The following PCDHA2 variants were observed in gnomAD, a reference collection of about 807,000 sequenced individuals.
The protein encoded by PCDHA2 is protocadherin alpha-2.
In PCDHA2, 58 loss-of-function variants were observed where a neutral mutation model predicts 66.0. The observed-to-expected ratio is 0.88, with a 90% CI of 0.71 to 1.09. PCDHA2 has a LOEUF of 1.09. PCDHA2 is among the 50% of genes least tolerant of loss of function. PCDHA2 has a pLI of 0.00. For missense variants in PCDHA2, 1,267 were observed against 1,242.3 expected (o/e 1.02, Z -0.30); for synonymous variants, 634 against 554.0 (o/e 1.14, Z -2.03).
chr5:140,858,680 A>G (rs2045557174), intron 1 of PCDHA2: 4 of 623,692 alleles, frequency 6.4e-6, no homozygotes, highest in Non-Finnish European at 1.1e-5. Flanking sequence ...TTCTGAATAC[A>G]CTAATATTTT....
intron 1 of PCDHA2, among the ~76,000 whole-genome samples, chr5:140,900,565 C>T (rs368765128): frequency 1.2e-4 from 19 of 152,248 alleles, no homozygotes; most frequent in South Asian, 1.2e-3. Context: ...GCGTGAGCCA[C>T]GGCACCGGCC....
chr5:140,870,167 C>A, intron 1 of PCDHA2: 1 of 1,614,134 alleles, frequency 6.2e-7, no homozygotes, highest in East Asian at 2.2e-5. Context: ...ACTTCCTTGT[C>A]CCTCCCAGTA....
intron 1 of PCDHA2, chr5:140,823,745 C>A (rs782470144): frequency 1.2e-6 from 2 of 1,613,836 alleles, no homozygotes; most frequent in African/African-American, 1.3e-5. Context: ...GGAGAGCCCC[C>A]GCTGACAGCC....
chr5:140,882,739 A>C (rs781997612), intron 1 of PCDHA2: 1 of 1,614,142 alleles, frequency 6.2e-7, no homozygotes, highest in East Asian at 2.2e-5. Flanking sequence ...TAGATGGCGC[A>C]TCCGATGCAG....
chr5:140,853,667 G>A lies in PCDHA2; in HGVS notation c.2388+56315G>A, dbSNP rs965344983. 2.4e-5 allele frequency: 24 copies of A among 988,242 alleles called. 2 individuals carry two copies. The highest frequency in any genetic ancestry group is 7.1e-5 in the African/African-American group (4 of 56,544). 61.2% of individuals were successfully genotyped at this position (988,242 alleles called of 1,614,324 possible). On this transcript the variant is annotated intron_variant, in intron 1 of 3. Transcript: ENST00000526136. ...TTGAGCCTGTTCCAGACAAATTGGG[G>A]CCTATGGTCAACCTATCCTTAGACC...
chr5:140,953,127 G>A (rs909395659), intron 1 of PCDHA2, among the ~76,000 whole-genome samples: 2 of 152,060 alleles, frequency 1.3e-5, no homozygotes, highest in African/African-American at 4.8e-5. Flanking sequence ...GATCTAAACC[G>A]TATCACTGTT....
intron 2 of PCDHA2, among the ~76,000 whole-genome samples, chr5:140,979,601 C>T (rs1214449101): frequency 1.3e-5 from 2 of 152,160 alleles, no homozygotes; most frequent in African/African-American, 4.8e-5. Context: ...TTTAAATTAA[C>T]CTAGAGTAAC....
At chr5:140,861,334 A>G in intron 1 of PCDHA2, 1 of 250,308 alleles carries the variant, frequency 4.0e-6, no homozygotes, top group Non-Finnish European at 8.2e-6. Context: ...CCATCCTGGA[A>G]GAGGCCAAGG....
At chr5:140,876,437 C>T (rs1554168557) in intron 1 of PCDHA2, 1 of 1,613,906 alleles carries the variant, frequency 6.2e-7, no homozygotes, top group Non-Finnish European at 8.5e-7. Context: ...CAGGTTAACG[C>T]CATTGATAAA....
chr5:141,002,442 A>G (rs1177854570), intron 3 of PCDHA2, among the ~76,000 whole-genome samples: 3 of 152,218 alleles, frequency 2.0e-5, no homozygotes, highest in Non-Finnish European at 4.4e-5. Context: ...AACCATAATA[A>G]TTGGCACATT....
intron 1 of PCDHA2, chr5:140,824,268 T>A: frequency 8.2e-7 from 1 of 1,223,616 alleles, no homozygotes; most frequent in Non-Finnish European, 1.2e-6. Flanking sequence ...CTAATTCATG[T>A]ATTATATGCT....
At position 141,009,757 on chromosome 5, in the gene PCDHA2, A is replaced by G; in HGVS notation, c.2667A>G (p.Pro889=). 6.2e-7 allele frequency: 1 copy of G among 1,614,200 alleles called. No individual in the cohort carries two copies. Among genetic ancestry groups the G allele is most frequent in the Non-Finnish European group, 8.5e-7 (1 of 1,180,036 alleles). Residue 889 remains proline (P), a synonymous_variant, in exon 4 of 4, where the codon CCA becomes CCG. Coordinates refer to ENST00000526136, the MANE Select transcript of PCDHA2 (RefSeq NM_018905.3). ...AGTTGCCCGACAAATTCATTATCCCAGGATCTCCTGCAATCATCTCCATCC... is the reference window on the plus strand; with the variant it reads ...AGTTGCCCGACAAATTCATTATCCCGGGATCTCCTGCAATCATCTCCATCC... ...PGELPDKFII[P]GSPAIISIRQ... is the part of the protein sequence containing the mutation.
At chr5:140,990,742 G>A (rs947618929) in intron 3 of PCDHA2, among the ~76,000 whole-genome samples, 2 of 152,176 alleles carry the variant, frequency 1.3e-5, no homozygotes, top group African/African-American at 4.8e-5. Context: ...CAGCCCTAGG[G>A]TGGATACCTT....
chr5:140,795,614 G>T lies in PCDHA2; in HGVS notation c.650G>T (p.Gly217Val), dbSNP rs782378293. The T allele has an allele frequency of 1.9e-6, 3 of 1,614,150 alleles. No homozygotes were observed. The highest frequency in any genetic ancestry group is 2.5e-6 in the Non-Finnish European group (3 of 1,180,022). Reference protein sequence around the residue: ...EVNLLLVATDGGKPELTGTVQ... With the variant: ...EVNLLLVATDVGKPELTGTVQ... ...AATTTGTTACTGGTGGCTACTGATG[G>T]GGGCAAACCTGAGCTCACGGGCACC... The change falls in exon 1 of 4, where the codon GGG becomes GTG. Residue 217 changes from glycine (G) to valine (V), a missense_variant. Physicochemically the swap from Gly to Val is moderately radical, Grantham distance 109 (BLOSUM62 -3). Coordinates refer to ENST00000526136, the MANE Select transcript of PCDHA2 (RefSeq NM_018905.3).
intron 3 of PCDHA2, among the ~76,000 whole-genome samples, chr5:141,001,290 G>A (rs2098005878): frequency 6.6e-6 from 1 of 152,100 alleles, no homozygotes; most frequent in Non-Finnish European, 1.5e-5. Flanking sequence ...GATGAAAACT[G>A]AGGCCCAGAG....
chr5:140,850,082 G>A lies in PCDHA2; in HGVS notation c.2388+52730G>A. On this transcript the variant is annotated intron_variant, in intron 1 of 3. Coordinates refer to ENST00000526136, the MANE Select transcript of PCDHA2 (RefSeq NM_018905.3). ...AGCCGTTGGACCACGAGGAGCTGGA[G>A]CTGCTACAGTTCCAGGTGAGCGCGC... 2 of 1,596,634 alleles carry A rather than the reference G, an allele frequency of 1.3e-6. 1 individual carries two copies. Among genetic ancestry groups the A allele is most frequent in the Non-Finnish European group, 1.7e-6 (2 of 1,167,856 alleles).
intron 1 of PCDHA2, among the ~76,000 whole-genome samples, chr5:140,932,418 ATTG>A (rs1457931424): frequency 1.3e-5 from 2 of 151,928 alleles, no homozygotes; most frequent in African/African-American, 4.8e-5. Context: ...ATATTAGTGT[ATTG>A]TTCACCTGGA....
chr5:140,803,468 G>T, intron 1 of PCDHA2: 3 of 1,614,252 alleles, frequency 1.9e-6, no homozygotes, highest in African/African-American at 1.3e-5. Context: ...GGCAGCAGAG[G>T]GTGTGCTCTG....
chr5:140,896,721 T>C (rs774174943), intron 1 of PCDHA2, among the ~76,000 whole-genome samples: 1 of 152,176 alleles, frequency 6.6e-6, no homozygotes, highest in Non-Finnish European at 1.5e-5. Flanking sequence ...TGCTTGTTAA[T>C]TTGTTTAAGT....
Sources: gnomAD v4.1 joint callset for allele counts (sites outside exome capture counted in the v4.1 genomes callset) on GRCh38, gnomAD v4.1.1 for gene constraint, MANE v1.5 for transcripts, NCBI Gene and HGNC (gene_info 2026-07-23, HGNC 2026-07-21) for gene names.